The following ARHGAP10 variants were observed in gnomAD, a reference collection of about 807,000 sequenced individuals.
The protein encoded by ARHGAP10 is Rho GTPase activating protein 10.
A neutral mutation model predicts 108.6 loss-of-function variants in ARHGAP10; 87 were observed. The ratio of observed to expected loss-of-function variants is 0.80; its 90% CI spans 0.67 to 0.96. The LOEUF (loss-of-function observed/expected upper bound fraction) is 0.96. Ranked by LOEUF, ARHGAP10 falls within the 40% of genes least tolerant of loss-of-function variation. The probability of loss-of-function intolerance (pLI) is 0.00; values close to 1 mark genes in which losing one functional copy is unlikely to be tolerated. For synonymous variants in ARHGAP10, 347 were observed against 341.1 expected (o/e 1.02, Z -0.19); for missense variants, 939 against 954.5 (o/e 0.98, Z 0.21).
At chr4:147,790,073 C>G (rs1579049389) in intron 1 of ARHGAP10, among the ~76,000 whole-genome samples, 1 of 150,148 alleles carries the variant, frequency 6.7e-6, no homozygotes, top group East Asian at 1.9e-4. Flanking sequence ...CTGGGTGGCT[C>G]CAACAACAGA....
At chr4:147,734,939 C>T (rs567954672) in intron 1 of ARHGAP10, among the ~76,000 whole-genome samples, 64 of 152,192 alleles carry the variant, frequency 4.2e-4, no homozygotes, top group South Asian at 1.7e-3. Context: ...TTGAGCATTT[C>T]GAGAAGTGTG....
intron 18 of ARHGAP10, among the ~76,000 whole-genome samples, chr4:148,011,939 C>T (rs184078630): frequency 4.3e-4 from 65 of 152,274 alleles, no homozygotes; most frequent in Middle Eastern, 3.4e-3. Flanking sequence ...AGTAACTAAA[C>T]GCGTAAGAAT....
At chr4:147,756,934 G>A (rs1436087004) in intron 1 of ARHGAP10, among the ~76,000 whole-genome samples, 1 of 149,622 alleles carries the variant, frequency 6.7e-6, no homozygotes, top group Non-Finnish European at 1.5e-5. Flanking sequence ...ATTCATGAAT[G>A]CCTGGTATAA....
chr4:148,056,478 T>C (rs953548364), intron 20 of ARHGAP10, among the ~76,000 whole-genome samples: 1 of 152,188 alleles, frequency 6.6e-6, no homozygotes, highest in Middle Eastern at 3.2e-3. Context: ...TTTGGAATAG[T>C]TTAAGGTATG....
Position 147,914,568 on chromosome 4 carries a change from C to CTTT in ARHGAP10, c.1228+1438_1228+1440dup, listed in dbSNP as rs1468427040. Reference sequence around the variant, plus strand: ...GCATGTTCTGCGCTCCCCCCCCCCCCTTTTTTTTTTTAACATCTTCAGCAT... The same window carrying CTTT: ...GCATGTTCTGCGCTCCCCCCCCCCCCTTTTTTTTTTTTTTAACATCTTCAGCAT... On this transcript the variant is annotated intron_variant, in intron 13 of 22. Coordinates refer to ENST00000336498, the MANE Select transcript of ARHGAP10 (RefSeq NM_024605.4). Among the ~76,000 whole-genome samples the CTTT allele has an allele frequency of 4.6e-4, 58 of 125,224 alleles. 2 individuals are homozygous for CTTT. The highest frequency in any genetic ancestry group is 7.6e-3 in the Middle Eastern group (2 of 262). 82.2% of individuals were successfully genotyped at this position (125,224 alleles called of 152,430 possible).
At chr4:147,995,433 G>A (rs72617451) in intron 18 of ARHGAP10, among the ~76,000 whole-genome samples, 9,123 of 152,284 alleles carry the variant, frequency 0.06, 378 homozygotes, top group East Asian at 0.14. Flanking sequence ...TACTTACAGT[G>A]TGGAGTGTGG....
chr4:148,057,834 G>C lies in ARHGAP10; in HGVS notation c.2028-5314G>C, dbSNP rs555067670. 2.3e-4 allele frequency among the ~76,000 whole-genome samples: 35 copies of C among 152,308 alleles called. 1 individual carries two copies. The South Asian group carries it at 7.3e-3, about 32-fold the overall frequency. ...GAGCAGGTGGTGTCACGGTTTCCTGGGTGTCCCCAGGGACTAGCACAAGGC... is the reference window on the plus strand; with the variant it reads ...GAGCAGGTGGTGTCACGGTTTCCTGCGTGTCCCCAGGGACTAGCACAAGGC... On this transcript the variant is annotated intron_variant, in intron 20 of 22. Transcript: ENST00000336498.
chr4:147,986,260 G>A (rs1339847282), intron 18 of ARHGAP10, among the ~76,000 whole-genome samples: 1 of 152,092 alleles, frequency 6.6e-6, no homozygotes, highest in Non-Finnish European at 1.5e-5. Flanking sequence ...GCCTCTCACT[G>A]CCATTTCCAA....
At chr4:147,909,808 C>T (rs1403964848) in intron 12 of ARHGAP10, 31 bp downstream of exon 12, 6 of 1,582,242 alleles carry the variant, frequency 3.8e-6, no homozygotes, top group Non-Finnish European at 5.2e-6. Flanking sequence ...ATGATTGTAT[C>T]CTCCTTTTCC....
Position 147,938,014 on chromosome 4 carries a change from G to A in ARHGAP10, c.1229-1811G>A, listed in dbSNP as rs191411139. The stretch of plus-strand genomic sequence containing the variant: ...CAAAATGTGGTACATAAAGTACCAC[G>A]GACTACTATGCAGCCCTAAAAAGGA... On this transcript the variant is annotated intron_variant, in intron 13 of 22. Transcript: ENST00000336498. 4.3e-3 allele frequency among the ~76,000 whole-genome samples: 655 copies of A among 152,238 alleles called. 2 individuals are homozygous for A. Among genetic ancestry groups the A allele is most frequent in the Non-Finnish European group, 7.2e-3 (487 of 68,002 alleles).
intron 13 of ARHGAP10, among the ~76,000 whole-genome samples, chr4:147,939,271 T>G (rs993049974): frequency 6.6e-6 from 1 of 152,208 alleles, no homozygotes. Flanking sequence ...ATGCATTGAT[T>G]TGGTTCATTT....
intron 5 of ARHGAP10, among the ~76,000 whole-genome samples, chr4:147,859,069 A>G (rs1734210971): frequency 6.6e-6 from 1 of 152,044 alleles, no homozygotes; most frequent in African/African-American, 2.4e-5. Flanking sequence ...CACCCAACCC[A>G]GCTGGGGTCA....
At chr4:147,757,746 G>C (rs1729439424) in intron 1 of ARHGAP10, among the ~76,000 whole-genome samples, 1 of 152,192 alleles carries the variant, frequency 6.6e-6, no homozygotes, top group Admixed American at 6.6e-5. Context: ...ACCTTCCTAA[G>C]AGAATCTGGT....
chr4:147,973,124 G>A (rs1739471515), intron 18 of ARHGAP10, among the ~76,000 whole-genome samples: 1 of 152,090 alleles, frequency 6.6e-6, no homozygotes, highest in Admixed American at 6.5e-5. Context: ...TGAGTGTTTC[G>A]GAATGAGTGA....
chr4:147,939,929 G>A, intron 14 of ARHGAP10, 30 bp downstream of exon 14: 2 of 1,558,332 alleles, frequency 1.3e-6, no homozygotes, highest in Non-Finnish European at 1.8e-6. Context: ...ATTTTTCCAT[G>A]TGTTATTTGT....
At chr4:148,052,392 C>CT (rs35449374) in intron 20 of ARHGAP10, among the ~76,000 whole-genome samples, 35,670 of 90,674 alleles carry the variant, frequency 0.39, 7,208 homozygotes, top group East Asian at 0.61. Flanking sequence ...TGCACATTTG[C>CT]TTTTTTTTTT....
chr4:148,034,733 C>CTGGA (rs1728300716), intron 19 of ARHGAP10, among the ~76,000 whole-genome samples: 1 of 152,142 alleles, frequency 6.6e-6, no homozygotes, highest in South Asian at 2.1e-4. Flanking sequence ...CTCAGCTGTA[C>CTGGA]TGGAGGTTGT....
Position 148,072,201 on chromosome 4 carries a change from A to G in ARHGAP10, c.*120A>G, listed in dbSNP as rs1730214722. 4.9e-6 allele frequency: 3 copies of G among 617,850 alleles called. No homozygotes were observed. Among genetic ancestry groups the G allele is most frequent in the Admixed American group, 3.4e-5 (1 of 29,026 alleles). 38.3% of individuals were successfully genotyped at this position (617,850 alleles called of 1,614,324 possible). On this transcript the variant is annotated 3_prime_UTR_variant, in exon 23 of 23. Transcript: ENST00000336498. ...ACAGGTACCTCCACACTTGGGAGTT[A>G]CCATCATCACAGTCAGCCCTGGGGG...
chr4:148,019,287 T>A (rs1484181389), intron 18 of ARHGAP10, among the ~76,000 whole-genome samples: 2 of 152,250 alleles, frequency 1.3e-5, no homozygotes, highest in African/African-American at 4.8e-5. Context: ...TGTAATTATT[T>A]GCTGTTACAA....
Sources: gnomAD v4.1 joint callset for allele counts (sites outside exome capture counted in the v4.1 genomes callset) on GRCh38, gnomAD v4.1.1 for gene constraint, MANE v1.5 for transcripts, NCBI Gene and HGNC (gene_info 2026-07-23, HGNC 2026-07-21) for gene names.